The following MIS18A variants were observed in gnomAD, a reference collection of about 807,000 sequenced individuals.
MIS18A encodes the protein protein Mis18-alpha.
A neutral mutation model predicts 25.0 loss-of-function variants in MIS18A; 14 were observed. That is an observed-to-expected ratio of 0.56 (90% CI 0.37 to 0.88). MIS18A has a LOEUF of 0.88. Among genes scored for constraint, MIS18A ranks in the 40% least tolerant of loss-of-function variants. The pLI is 0.00. For missense variants in MIS18A, 292 were observed against 290.8 expected (o/e 1.00, Z -0.03); for synonymous variants, 134 against 118.6 (o/e 1.13, Z -0.84).
At chr21:32,248,282 T>G in the MIS18A span, among the ~76,000 whole-genome samples, 1 of 152,240 alleles carries the variant, frequency 6.6e-6, no homozygotes, top group Non-Finnish European at 1.5e-5. Context: ...GAGATATTAC[T>G]GCCCCATCTT....
chr21:32,158,243 A>G, the MIS18A span, among the ~76,000 whole-genome samples: 1 of 152,226 alleles, frequency 6.6e-6, no homozygotes, highest in Non-Finnish European at 1.5e-5. Flanking sequence ...CAAAATGTGA[A>G]GGAGAGAGCC....
the MIS18A span, among the ~76,000 whole-genome samples, chr21:32,222,934 C>CAAAAAAAAA: frequency 1.5e-5 from 1 of 65,872 alleles, no homozygotes; most frequent in Non-Finnish European, 3.4e-5. Flanking sequence ...GACTCCGTCT[C>CAAAAAAAAA]AAAAAAAAAA....
chr21:32,251,127 C>T, the MIS18A span, among the ~76,000 whole-genome samples: 1 of 152,140 alleles, frequency 6.6e-6, no homozygotes. Flanking sequence ...CCTCCCCAGC[C>T]CTGAAGAACT....
At chr21:32,271,596 G>A (rs2031715566) in intron 2 of MIS18A, among the ~76,000 whole-genome samples, 1 of 152,108 alleles carries the variant, frequency 6.6e-6, no homozygotes, top group Non-Finnish European at 1.5e-5. Flanking sequence ...AGTGTCTACG[G>A]GCTTTTATAA....
At chr21:32,228,077 G>A in the MIS18A span, among the ~76,000 whole-genome samples, 4 of 152,000 alleles carry the variant, frequency 2.6e-5, no homozygotes, top group Non-Finnish European at 5.9e-5. Flanking sequence ...AGTTAACATC[G>A]TCTTTTTTTG....
chr21:32,225,918 G>C, the MIS18A span, among the ~76,000 whole-genome samples: 1 of 26,246 alleles, frequency 3.8e-5, no homozygotes, highest in Non-Finnish European at 6.6e-5. Flanking sequence ...AAGAAAATGT[G>C]GCACATATAC....
At chr21:32,186,423 A>T in the MIS18A span, among the ~76,000 whole-genome samples, 1 of 152,236 alleles carries the variant, frequency 6.6e-6, no homozygotes, top group Non-Finnish European at 1.5e-5. Flanking sequence ...GTACCCTAGT[A>T]GCATGGATGC....
chr21:32,229,665 A>G, the MIS18A span, among the ~76,000 whole-genome samples: 1 of 152,238 alleles, frequency 6.6e-6, no homozygotes, highest in Admixed American at 6.5e-5. Flanking sequence ...GCTTGTGTTT[A>G]TTCACATCAC....
the MIS18A span, among the ~76,000 whole-genome samples, chr21:32,160,620 C>G: frequency 6.6e-6 from 1 of 151,128 alleles, no homozygotes; most frequent in Non-Finnish European, 1.5e-5. Context: ...GCTTCCATTC[C>G]AGGTAGATGA....
At chr21:32,187,908 G>C in the MIS18A span, among the ~76,000 whole-genome samples, 890 of 152,250 alleles carry the variant, frequency 5.8e-3, 7 homozygotes, top group African/African-American at 0.021. Context: ...TGGGGCCTTT[G>C]GGAGGTGCTT....
At chr21:32,244,060 T>C in the MIS18A span, among the ~76,000 whole-genome samples, 3 of 152,202 alleles carry the variant, frequency 2.0e-5, no homozygotes, top group Non-Finnish European at 4.4e-5. Flanking sequence ...ATCCATACAA[T>C]GGATAACCAG....
the MIS18A span, among the ~76,000 whole-genome samples, chr21:32,182,309 G>A: frequency 6.6e-6 from 1 of 152,152 alleles, no homozygotes; most frequent in Non-Finnish European, 1.5e-5. Context: ...CTTGATTCCC[G>A]TGGTCTACAT....
the MIS18A span, among the ~76,000 whole-genome samples, chr21:32,165,323 A>C: frequency 7.0e-4 from 107 of 152,218 alleles, no homozygotes; most frequent in African/African-American, 2.5e-3. Context: ...AAACACATGA[A>C]GAACATAGAA....
chr21:32,251,424 A>ACT, the MIS18A span, among the ~76,000 whole-genome samples: 1 of 149,190 alleles, frequency 6.7e-6, no homozygotes, highest in Admixed American at 6.7e-5. Context: ...TTTCTCCCAC[A>ACT]CTCTCCCTCT....
intron 4 of MIS18A, 76 bp downstream of exon 4, chr21:32,269,631 T>C (rs1453659845): frequency 1.2e-6 from 1 of 830,870 alleles, no homozygotes; most frequent in Non-Finnish European, 2.0e-6. Context: ...GTTATGAGAA[T>C]TATCGTTTGT....
At chr21:32,240,182 A>G in the MIS18A span, among the ~76,000 whole-genome samples, 1 of 152,374 alleles carries the variant, frequency 6.6e-6, no homozygotes, top group African/African-American at 2.4e-5. Context: ...AACCAATTAC[A>G]TGATGCATGG....
chr21:32,189,904 G>C, the MIS18A span, among the ~76,000 whole-genome samples: 2 of 152,186 alleles, frequency 1.3e-5, no homozygotes, highest in South Asian at 4.1e-4. Context: ...GTCTTTTCCT[G>C]TTTGTGCTCC....
chr21:32,233,750 C>A, the MIS18A span, among the ~76,000 whole-genome samples: 2 of 152,282 alleles, frequency 1.3e-5, no homozygotes, highest in South Asian at 2.1e-4. Flanking sequence ...GGCTAGGGTT[C>A]ACAATGACCC....
At chr21:32,247,199 C>T in the MIS18A span, among the ~76,000 whole-genome samples, 1 of 152,172 alleles carries the variant, frequency 6.6e-6, no homozygotes, top group Non-Finnish European at 1.5e-5. Context: ...GAGAAACTGA[C>T]CCAAACGATG....
Sources: allele counts gnomAD v4.1 joint callset (sites outside exome capture counted in the v4.1 genomes callset), GRCh38; gene constraint gnomAD v4.1.1; transcripts MANE v1.5; gene names NCBI Gene and HGNC (gene_info 2026-07-23, HGNC 2026-07-21).